The following APPL1 variants were observed in gnomAD, a reference collection of about 807,000 sequenced individuals.
APPL1 encodes the protein DCC-interacting protein 13-alpha.
Under a neutral mutation model 106.8 loss-of-function variants are expected in APPL1, and 42 were observed. The ratio of observed to expected loss-of-function variants is 0.39; its 90% confidence interval spans 0.31 to 0.51. The LOEUF is 0.51. Among genes scored for constraint, APPL1 ranks in the 20% least tolerant of loss-of-function variants. APPL1 has a pLI of 0.75. For missense variants in APPL1, 769 were observed against 858.2 expected, an observed-to-expected ratio of 0.90 and a Z score of 1.30; for synonymous variants, 263 against 281.8, an observed-to-expected ratio of 0.93 and a Z score of 0.67.
chr3:57,252,631 C>A (rs897177828), intron 12 of APPL1, among the ~76,000 whole-genome samples: 1 of 152,130 alleles, frequency 6.6e-6, no homozygotes, highest in Non-Finnish European at 1.5e-5. Flanking sequence ...TCCCTTCTCT[C>A]ACCAATCCTT....
rs549399596 is a variant in APPL1, at chr3:57,235,778, T to A, written c.153+114T>A. 4.7e-6 allele frequency: 3 copies of A among 637,126 alleles called. No individual in the cohort carries two copies. The Admixed American group carries it at 8.5e-5, about 18-fold the overall frequency. 39.5% of individuals were successfully genotyped at this position (637,126 alleles called of 1,614,324 possible). ...CTTTAGCCCTGTGTTAGGCTCATAG[T>A]AATAAATATTTGTTGAATGGATTAA... On this transcript the variant is annotated intron_variant, in intron 2 of 21. Coordinates refer to ENST00000288266, the MANE Select transcript of APPL1 (RefSeq NM_012096.3).
At chr3:57,234,145 AAT>A (rs903084773) in intron 1 of APPL1, among the ~76,000 whole-genome samples, 51 of 152,280 alleles carry the variant, frequency 3.3e-4, no homozygotes, top group African/African-American at 1.2e-3. Flanking sequence ...TTAGAATAAA[AAT>A]ATATCTTTTA....
At position 57,246,236 on chromosome 3, in the gene APPL1, T is replaced by A. The variant is rs776272677; in HGVS notation, c.621+14T>A. On this transcript the variant is annotated intron_variant, in intron 8 of 21. Transcript: ENST00000288266. The stretch of plus-strand genomic sequence containing the variant: ...ATGCAAGCTCAGGTAAATACTGTAC[T>A]GTATTTGGATTATAACTGTCCTAAA... 1 of 1,558,160 alleles carries A rather than the reference T, an allele frequency of 6.4e-7. No homozygotes were observed. Among genetic ancestry groups the A allele is most frequent in the East Asian group, 2.3e-5 (1 of 43,622 alleles).
intron 19 of APPL1, among the ~76,000 whole-genome samples, chr3:57,263,857 T>A (rs1210496134): frequency 6.6e-6 from 1 of 151,656 alleles, no homozygotes; most frequent in Non-Finnish European, 1.5e-5. Context: ...AACATGGGAG[T>A]GCAGATGTCT....
chr3:57,254,565 GA>G (rs1335063905), intron 13 of APPL1, among the ~76,000 whole-genome samples: 3 of 152,142 alleles, frequency 2.0e-5, no homozygotes, highest in African/African-American at 7.2e-5. Context: ...ACACAGTGCA[GA>G]TAAGAGAAAA....
intron 1 of APPL1, among the ~76,000 whole-genome samples, chr3:57,235,128 A>T (rs556712214): frequency 2.4e-4 from 37 of 152,298 alleles, no homozygotes; most frequent in African/African-American, 8.9e-4. Flanking sequence ...GGGAGGGTGT[A>T]CTGTGGTATT....
intron 5 of APPL1, 127 bp from the exon 6 acceptor site, chr3:57,241,974 C>A: frequency 9.7e-6 from 6 of 615,432 alleles, no homozygotes; most frequent in African/African-American, 1.9e-5. Context: ...GTAGCTTTTT[C>A]ACCCTGAATG....
chr3:57,247,468 G>A lies in APPL1; in HGVS notation c.695G>A (p.Ser232Asn). 2 of 1,593,208 alleles carry A rather than the reference G, an allele frequency of 1.3e-6. No homozygotes were observed. Among genetic ancestry groups the A allele is most frequent in the Non-Finnish European group, 1.7e-6 (2 of 1,163,154 alleles). ...LEEFLANIGT[S>N]VQNVRREMDS... Reference sequence around the variant, plus strand: ...GAATTTTTAGCTAATATTGGAACAAGCGTTCAGAAGTAAGTATTTTTTTCC... The same window carrying A: ...GAATTTTTAGCTAATATTGGAACAAACGTTCAGAAGTAAGTATTTTTTTCC... Residue 232 changes from serine to asparagine, a missense_variant, in exon 9 of 22, where the codon AGC becomes AAC. Ser to Asn is a conservative substitution (Grantham distance 46, BLOSUM62 1). Coordinates refer to ENST00000288266, the MANE Select transcript of APPL1 (RefSeq NM_012096.3).
chr3:57,250,953 G>C (rs191784764), intron 11 of APPL1, among the ~76,000 whole-genome samples: 3,539 of 149,464 alleles, frequency 0.024, 63 homozygotes, highest in South Asian at 0.035. Context: ...GACTACAGGC[G>C]CCTGCTACCA....
chr3:57,242,804 G>A lies in APPL1; in HGVS notation c.416-52G>A, dbSNP rs1416675523. The A allele has an allele frequency of 5.1e-6, 7 of 1,360,276 alleles. No homozygotes were observed. The African/African-American group carries it at 7.2e-5, about 14-fold the overall frequency. The allele number at this position is 1,360,276 out of a possible 1,614,324, so 84.3% of individuals were successfully genotyped here. On this transcript the variant is annotated intron_variant, in intron 6 of 21. Coordinates refer to ENST00000288266, the MANE Select transcript of APPL1 (RefSeq NM_012096.3). ...CATGTGAAGACCATTGAAAGCATTTGTAAGTTTTGAAAAGTACTGTTGTAT... is the reference window on the plus strand; with the variant it reads ...CATGTGAAGACCATTGAAAGCATTTATAAGTTTTGAAAAGTACTGTTGTAT...
intron 15 of APPL1, among the ~76,000 whole-genome samples, chr3:57,258,376 T>A (rs1469938932): frequency 1.3e-5 from 2 of 152,170 alleles, no homozygotes; most frequent in Non-Finnish European, 2.9e-5. Context: ...CCCTAGCAGA[T>A]CTCAAACTCC....
At chr3:57,259,173 C>T in intron 16 of APPL1, 93 bp downstream of exon 16, 1 of 1,047,460 alleles carries the variant, frequency 9.5e-7, no homozygotes, top group Non-Finnish European at 1.4e-6. Context: ...CTACTAAGCT[C>T]AGTTTTAATG....
At chr3:57,259,750 A>G (rs2107608369) in intron 16 of APPL1, 95 bp from the exon 17 acceptor site, 1 of 1,090,512 alleles carries the variant, frequency 9.2e-7, no homozygotes, top group Non-Finnish European at 1.3e-6. Context: ...GAGGCAGTGT[A>G]TTTTATTCTT....
At chr3:57,245,548 GT>G (rs1003933764) in intron 7 of APPL1, among the ~76,000 whole-genome samples, 16 of 134,474 alleles carry the variant, frequency 1.2e-4, no homozygotes, top group Non-Finnish European at 1.5e-4. Flanking sequence ...TCAATATGCA[GT>G]TTTTTTTTTT....
chr3:57,264,583 A>T (rs980939763), intron 19 of APPL1, among the ~76,000 whole-genome samples: 16 of 128,662 alleles, frequency 1.2e-4, no homozygotes, highest in East Asian at 1.2e-3. Context: ...TAAAAAAAAT[A>T]AAAAAAAATT....
chr3:57,267,603 A>G (rs2060901533), intron 19 of APPL1, 139 bp from the exon 20 acceptor site: 7 of 713,448 alleles, frequency 9.8e-6, no homozygotes, highest in Non-Finnish European at 1.7e-5. Flanking sequence ...TGGGGGCTTG[A>G]GCATTCTTAA....
At chr3:57,250,422 G>A (rs1235118630) in intron 11 of APPL1, among the ~76,000 whole-genome samples, 2 of 152,168 alleles carry the variant, frequency 1.3e-5, no homozygotes, top group African/African-American at 4.8e-5. Flanking sequence ...TCATAGGCAT[G>A]AGCCAGCATG....
At chr3:57,231,030 C>T (rs2060684023) in intron 1 of APPL1, among the ~76,000 whole-genome samples, 1 of 151,600 alleles carries the variant, frequency 6.6e-6, no homozygotes, top group Non-Finnish European at 1.5e-5. Context: ...CCCAAGTAGC[C>T]CAACTAATCT....
At chr3:57,232,395 C>T (rs1405830840) in intron 1 of APPL1, among the ~76,000 whole-genome samples, 1 of 152,146 alleles carries the variant, frequency 6.6e-6, no homozygotes, top group African/African-American at 2.4e-5. Flanking sequence ...TTCACATTGC[C>T]TGCAAATGTA....
Sources: gnomAD v4.1 joint callset for allele counts (sites outside exome capture counted in the v4.1 genomes callset) on GRCh38, gnomAD v4.1.1 for gene constraint, MANE v1.5 for transcripts, NCBI Gene and HGNC (gene_info 2026-07-23, HGNC 2026-07-21) for gene names.